CCSAP: variants seen among roughly 807,000 people sequenced by gnomAD.
The protein encoded by CCSAP is centriole, cilia and spindle associated protein.
In CCSAP, 17 loss-of-function variants were observed where a neutral mutation model predicts 25.9. The observed-to-expected ratio is 0.66, with a 90% CI of 0.45 to 0.99. The LOEUF (loss-of-function observed/expected upper bound fraction) is 0.99. CCSAP is among the 50% of genes least tolerant of loss of function. The pLI is 0.00. For missense variants in CCSAP, 339 were observed against 367.8 expected (o/e 0.92, Z 0.64); for synonymous variants, 169 against 157.1 (o/e 1.08, Z -0.57).
chr1:229,340,354 G>A (rs1213361735), intron 2 of CCSAP: 2 of 711,584 alleles, frequency 2.8e-6, no homozygotes, highest in Non-Finnish European at 2.6e-6. Flanking sequence ...TAACTGAGAG[G>A]ACGCTATATT....
Position 229,342,168 on chromosome 1 carries a change from C to T in CCSAP, c.298G>A (p.Ala100Thr). 2 of 1,293,624 alleles carry T rather than the reference C, an allele frequency of 1.5e-6. No homozygotes were observed. Among genetic ancestry groups the T allele is most frequent in the Non-Finnish European group, 9.8e-7 (1 of 1,021,562 alleles). 80.1% of individuals were successfully genotyped at this position (1,293,624 alleles called of 1,614,324 possible). A position where few individuals can be genotyped will look rare whatever the true frequency, so the allele number is the denominator to read the frequency against. Residue 100 changes from alanine to threonine, a missense_variant, in exon 2 of 4, where the codon GCC becomes ACC. Coordinates refer to ENST00000284617, the MANE Select transcript of CCSAP (RefSeq NM_145257.5). This position sits in a 1 kb window ranked among gnomAD's most constrained non-coding sequence, Gnocchi z 7.5. ...GCCTCCGCGTCCTGCTCCTCCGGGG[C>T]CCCGCGCGCCCGCCGTTCCGCCTCC... ...QEEAERRARG[A>T]PEEQDAEAGD...
intron 2 of CCSAP, among the ~76,000 whole-genome samples, chr1:229,332,283 C>G (rs151470): frequency 0.64 from 97,174 of 152,046 alleles, 31,262 homozygotes; most frequent in African/African-American, 0.67. Context: ...CCCAAGGCCT[C>G]GACTTTCGAC....
chr1:229,324,618 A>C lies in CCSAP; in HGVS notation c.*617T>G, dbSNP rs1174391477. On this transcript the variant is annotated 3_prime_UTR_variant, in exon 4 of 4. Transcript: ENST00000284617. ...AAAAAGAGACCCTCGCCCAGCCCAGATAATTCTTAAATATCACAATCTACA... is the reference window on the plus strand; with the variant it reads ...AAAAAGAGACCCTCGCCCAGCCCAGCTAATTCTTAAATATCACAATCTACA... 6.5e-6 allele frequency: 1 copy of C among 152,678 alleles called. No homozygotes were observed. Among genetic ancestry groups the C allele is most frequent in the East Asian group, 1.9e-4 (1 of 5,206 alleles). The allele number at this position is 152,678 out of a possible 1,614,324, so 9.5% of individuals were successfully genotyped here. A position where few individuals can be genotyped will look rare whatever the true frequency, so the allele number is the denominator to read the frequency against.
chr1:229,336,049 C>T (rs1202285042), intron 2 of CCSAP, among the ~76,000 whole-genome samples: 4 of 150,412 alleles, frequency 2.7e-5, no homozygotes, highest in East Asian at 1.9e-4. Context: ...TTAAAGTATC[C>T]GAGGGATGTG....
In CCSAP at chr1:229,342,288, C is replaced by T. The variant is rs1382101995; in HGVS notation, c.178G>A (p.Asp60Asn). ...DDWGPAGSSE[D>N]SASSESSGAG... is the part of the protein sequence containing the mutation. ...CCCGACGACTCTGACGACGCCGAGT[C>T]CTCCGAGGAGCCGGCCGGGCCCCAG... The change falls in exon 2 of 4, where the codon GAC becomes AAC. Residue 60 changes from aspartate (D) to asparagine (N), a missense_variant. Transcript: ENST00000284617. This position sits in a 1 kb window ranked among gnomAD's most constrained non-coding sequence, Gnocchi z 7.5. 6 of 1,396,542 alleles carry T rather than the reference C, an allele frequency of 4.3e-6. No individual in the cohort carries two copies. In the Admixed American group the frequency reaches 1.7e-4, roughly 39 times the overall value. The allele number at this position is 1,396,542 out of a possible 1,614,324, so 86.5% of individuals were successfully genotyped here. A position where few individuals can be genotyped will look rare whatever the true frequency, so the allele number is the denominator to read the frequency against.
intron 2 of CCSAP, among the ~76,000 whole-genome samples, chr1:229,341,636 T>C (rs1174638652): frequency 1.3e-5 from 2 of 152,164 alleles, no homozygotes; most frequent in South Asian, 2.1e-4. Context: ...GTCGGGGAGT[T>C]AATACGGAAA....
chr1:229,330,845 A>AC (rs202213190), intron 2 of CCSAP, among the ~76,000 whole-genome samples: 139 of 151,178 alleles, frequency 9.2e-4, no homozygotes, highest in Non-Finnish European at 1.5e-3. Context: ...AAAAAAAAAA[A>AC]AAAAAAGAAA....
At position 229,342,494 on chromosome 1, in the gene CCSAP, C is replaced by T. The variant is rs1658362809; in HGVS notation, c.-29G>A. 7.6e-7 allele frequency: 1 copy of T among 1,315,400 alleles called. No homozygotes were observed. Among genetic ancestry groups the T allele is most frequent in the Non-Finnish European group, 9.7e-7 (1 of 1,026,918 alleles). 81.5% of individuals were successfully genotyped at this position (1,315,400 alleles called of 1,614,324 possible). A position where few individuals can be genotyped will look rare whatever the true frequency, so the allele number is the denominator to read the frequency against. On this transcript the variant is annotated 5_prime_UTR_variant, in exon 2 of 4. Coordinates refer to ENST00000284617, the MANE Select transcript of CCSAP (RefSeq NM_145257.5). The surrounding 1 kb of genome is among the most constrained non-coding windows in gnomAD (Gnocchi z 7.5). ...GCCGTCCGCCGCCTCGAGCGCCAGC[C>T]GCTCCTCGCTGCCCGCAGCCTACGG...
chr1:229,323,343 G>A lies in CCSAP; in HGVS notation c.*1892C>T, dbSNP rs1016921405. The stretch of plus-strand genomic sequence containing the variant: ...CGGTTCAAAGTCTAGAGGAAGTCGG[G>A]TTTCTAAGGCAGTCCGTCAGTGTGG... On this transcript the variant is annotated 3_prime_UTR_variant, in exon 4 of 4. Coordinates refer to ENST00000284617, the MANE Select transcript of CCSAP (RefSeq NM_145257.5). The A allele has an allele frequency of 6.6e-6, 1 of 152,194 alleles. No homozygotes were observed. Among genetic ancestry groups the A allele is most frequent in the African/African-American group, 2.4e-5 (1 of 41,450 alleles). 9.4% of individuals were successfully genotyped at this position (152,194 alleles called of 1,614,324 possible).
rs1176608094 is a variant in CCSAP at position 229,323,449 on chromosome 1, A to G, written c.*1786T>C. 2 of 152,248 alleles carry G rather than the reference A, an allele frequency of 1.3e-5. No homozygotes were observed. The highest frequency in any genetic ancestry group is 2.9e-5 in the Non-Finnish European group (2 of 68,050). The allele number at this position is 152,248 out of a possible 1,614,324, so 9.4% of individuals were successfully genotyped here. On this transcript the variant is annotated 3_prime_UTR_variant, in exon 4 of 4. Transcript: ENST00000284617. ...CTGAGCTGGATGACTAACACCGAACATGCAAGAAGCGACTTTAAAGGAACA... is the reference window on the plus strand; with the variant it reads ...CTGAGCTGGATGACTAACACCGAACGTGCAAGAAGCGACTTTAAAGGAACA...
intron 2 of CCSAP, among the ~76,000 whole-genome samples, chr1:229,333,248 C>G (rs552443603): frequency 6.6e-6 from 1 of 151,550 alleles, no homozygotes; most frequent in African/African-American, 2.4e-5. Flanking sequence ...CTGGGTAACA[C>G]GGTGAAACCC....
intron 2 of CCSAP, 173 bp from the exon 3 acceptor site, chr1:229,327,179 A>G: frequency 1.8e-6 from 1 of 567,552 alleles, no homozygotes; most frequent in Non-Finnish European, 2.9e-6. Context: ...TAATTTTCAA[A>G]CCATTTATCT....
intron 2 of CCSAP, among the ~76,000 whole-genome samples, chr1:229,331,787 T>TTA (rs1658072923): frequency 5.3e-4 from 74 of 140,636 alleles, no homozygotes; most frequent in African/African-American, 1.5e-3. Context: ...CTAATATCCT[T>TTA]TTATTATTAT....
At position 229,323,848 on chromosome 1, in the gene CCSAP, A is replaced by C. The variant is rs1165818666; in HGVS notation, c.*1387T>G. 11 of 152,202 alleles carry C rather than the reference A, an allele frequency of 7.2e-5. 1 individual carries two copies. In the East Asian group the frequency reaches 2.1e-3, roughly 29 times the overall value. 9.4% of individuals were successfully genotyped at this position (152,202 alleles called of 1,614,324 possible). The stretch of plus-strand genomic sequence containing the variant: ...AGACCCAGAGAAAAATACTAAGGTA[A>C]TACTCAGCCTCACGTCCACTCACAC... On this transcript the variant is annotated 3_prime_UTR_variant, in exon 4 of 4. Transcript: ENST00000284617.
chr1:229,340,310 G>A (rs1288019477), intron 2 of CCSAP: 1 of 679,318 alleles, frequency 1.5e-6, no homozygotes, highest in Admixed American at 2.4e-5. Flanking sequence ...TCTTCTTCCT[G>A]ATGCCTAAAC....
At chr1:229,327,867 C>CA (rs765651478) in intron 2 of CCSAP, among the ~76,000 whole-genome samples, 4,126 of 91,552 alleles carry the variant, frequency 0.045, 81 homozygotes, top group Non-Finnish European at 0.064. Flanking sequence ...GACTCCGTCT[C>CA]AAAAAAAAAA....
At chr1:229,325,579 ATTCTCACTTGATGCTG>A (rs574994902) in intron 3 of CCSAP, among the ~76,000 whole-genome samples, 168 bp from the exon 4 acceptor site, 126 of 152,344 alleles carry the variant, frequency 8.3e-4, no homozygotes, top group African/African-American at 2.5e-3. Context: ...CAGAAGAGCC[ATTCTCACTTGATGCTG>A]TTCTCACTTG....
At chr1:229,332,201 C>T (rs1194030178) in intron 2 of CCSAP, among the ~76,000 whole-genome samples, 2 of 152,150 alleles carry the variant, frequency 1.3e-5, no homozygotes, top group African/African-American at 4.8e-5. Flanking sequence ...TTCTATGAGC[C>T]ACTCCAGCAA....
chr1:229,331,653 A>T (rs1158185925), intron 2 of CCSAP, among the ~76,000 whole-genome samples: 2 of 151,946 alleles, frequency 1.3e-5, no homozygotes, highest in East Asian at 3.9e-4. Context: ...GCAGGACTCT[A>T]ATCTTCCACA....
Sources: allele counts gnomAD v4.1 joint callset (sites outside exome capture counted in the v4.1 genomes callset), GRCh38; gene constraint gnomAD v4.1.1; non-coding constraint Gnocchi (gnomAD v3.1); transcripts MANE v1.5; gene names NCBI Gene and HGNC (gene_info 2026-07-23, HGNC 2026-07-21).